Variants in CLK3 observed in about 807,000 individuals in gnomAD.
CLK3 encodes dual specificity protein kinase CLK3.
A neutral mutation model predicts 65.2 loss-of-function variants in CLK3; 24 were observed. The ratio of observed to expected loss-of-function variants is 0.37; its 90% CI spans 0.27 to 0.52. CLK3 has a LOEUF of 0.52. CLK3 is among the 20% of genes least tolerant of loss of function. CLK3 has a pLI of 0.92. For synonymous variants in CLK3, 252 were observed against 240.8 expected (o/e 1.05, Z -0.43); for missense variants, 506 against 660.0 (o/e 0.77, Z 2.56).
At chr15:74,615,972 C>A in intron 1 of CLK3, 74 bp downstream of exon 1, 2 of 1,103,394 alleles carry the variant, frequency 1.8e-6, no homozygotes, top group Non-Finnish European at 2.3e-6. Context: ...GGCAGGCGCG[C>A]TGGTGCCATT....
chr15:74,619,723 G>C (rs2062086477), intron 2 of CLK3, among the ~76,000 whole-genome samples: 1 of 152,152 alleles, frequency 6.6e-6, no homozygotes, highest in African/African-American at 2.4e-5. Context: ...GTTGCAGCAG[G>C]CCACAGGGAA....
Position 74,621,301 on chromosome 15 carries a change from G to C in CLK3, c.370-819G>C, listed in dbSNP as rs970876050. ...CCTCTATCGATCGTCGTGAGGCTTG[G>C]GATGGGCCTAGATTGTGAGCAGCAT... On this transcript the variant is annotated intron_variant, in intron 3 of 12. Coordinates refer to ENST00000395066, the MANE Select transcript of CLK3 (RefSeq NM_001130028.2). The surrounding 1 kb of genome is among the most constrained non-coding windows in gnomAD (Gnocchi z 4.8). The C allele has an allele frequency of 6.5e-6, 1 of 154,126 alleles. No homozygotes were observed. The highest frequency in any genetic ancestry group is 2.4e-5 in the African/African-American group (1 of 41,486). The allele number at this position is 154,126 out of a possible 1,614,324, so 9.5% of individuals were successfully genotyped here.
At position 74,627,298 on chromosome 15, in the gene CLK3, G is replaced by A; in HGVS notation, c.818-54G>A. On this transcript the variant is annotated intron_variant, in intron 7 of 12. Coordinates refer to ENST00000395066, the MANE Select transcript of CLK3 (RefSeq NM_001130028.2). This position sits in a 1 kb window ranked among gnomAD's most constrained non-coding sequence, Gnocchi z 4.3. ...GGAAGAGGGGTCTGGCCTAGAGCTG[G>A]CAGGAGAGCCAGCTTCTCAGTGCCT... 1 of 1,411,094 alleles carries A rather than the reference G, an allele frequency of 7.1e-7. No individual in the cohort carries two copies. Among genetic ancestry groups the A allele is most frequent in the Non-Finnish European group, 1.0e-6 (1 of 995,660 alleles). The allele number at this position is 1,411,094 out of a possible 1,614,324, so 87.4% of individuals were successfully genotyped here. A position where few individuals can be genotyped will look rare whatever the true frequency, so the allele number is the denominator to read the frequency against.
Position 74,627,557 on chromosome 15 carries a change from G to C in CLK3, c.931G>C (p.Val311Leu), listed in dbSNP as rs751822651. The C allele has an allele frequency of 6.2e-7, 1 of 1,614,248 alleles. No individual in the cohort carries two copies. The highest frequency in any genetic ancestry group is 8.5e-7 in the Non-Finnish European group (1 of 1,180,044). Residue 311 changes from valine to leucine, a missense_variant, in exon 9 of 13, where the codon GTG becomes CTG. Val to Leu is a conservative substitution (Grantham distance 32). Coordinates refer to ENST00000395066, the MANE Select transcript of CLK3 (RefSeq NM_001130028.2). The surrounding 1 kb of genome is among the most constrained non-coding windows in gnomAD (Gnocchi z 4.3). ...CTTTCAGAGCTGTGAGGAGAAGTCA[G>C]TGAAGAACACCAGCATCCGAGTGGC... ...NEHKSCEEKSVKNTSIRVADF... is the reference protein window; with the variant it reads ...NEHKSCEEKSLKNTSIRVADF...
chr15:74,611,034 A>G (rs1296422900), upstream of CLK3, among the ~76,000 whole-genome samples: 7 of 152,112 alleles, frequency 4.6e-5, no homozygotes, highest in Non-Finnish European at 1.0e-4. Context: ...TCTTCAGTCT[A>G]TGGAGCTAAA....
rs746939580 is a variant in CLK3, at chr15:74,619,296, C to T, written c.100C>T (p.Leu34=). 1.2e-6 allele frequency: 2 copies of T among 1,614,172 alleles called. No individual in the cohort carries two copies. Among genetic ancestry groups the T allele is most frequent in the South Asian group, 1.1e-5 (1 of 91,082 alleles). ...RSYSREHEGR[L]RYPSRREPPP... The stretch of plus-strand genomic sequence containing the variant: ...CTACAGTCGGGAACATGAAGGGAGA[C>T]TGCGATACCCGTCCCGAAGGGAGCC... The change falls in exon 2 of 13, where the codon CTG becomes TTG. Residue 34 remains leucine (L), a synonymous_variant. Transcript: ENST00000395066.
rs2062112304 is a variant in CLK3, at chr15:74,622,593, G to A, written c.533+33G>A. On this transcript the variant is annotated intron_variant, in intron 5 of 12. Transcript: ENST00000395066. The surrounding 1 kb of genome is among the most constrained non-coding windows in gnomAD (Gnocchi z 4.6). The stretch of plus-strand genomic sequence containing the variant: ...AGCTGCGGCAGTACAGCTGGCTCCG[G>A]ATGTGATCTTCCTGGGAAGAGCTGG... 3 of 1,548,538 alleles carry A rather than the reference G, an allele frequency of 1.9e-6. No homozygotes were observed. Among genetic ancestry groups the A allele is most frequent in the Non-Finnish European group, 2.6e-6 (3 of 1,136,684 alleles).
chr15:74,627,655 T>G lies in CLK3; in HGVS notation c.1029T>G (p.Pro343=). The change falls in exon 9 of 13, where the codon CCT becomes CCG. Residue 343 remains proline (P), a synonymous_variant. Transcript: ENST00000395066. This position sits in a 1 kb window ranked among gnomAD's most constrained non-coding sequence, Gnocchi z 4.3. ...TIVATRHYRP[P]EVILELGWAQ... ...TGGCCACCCGTCACTATCGCCCGCC[T>G]GAGGTGATCCTTGGTGAGTGACTGT... 6.2e-7 allele frequency: 1 copy of G among 1,613,714 alleles called. No homozygotes were observed. The highest frequency in any genetic ancestry group is 8.5e-7 in the Non-Finnish European group (1 of 1,180,006).
In CLK3 at chr15:74,615,880, A is replaced by C. The variant is rs1352233690; in HGVS notation, c.-19A>C. The C allele has an allele frequency of 3.2e-6, 4 of 1,254,486 alleles. No individual in the cohort carries two copies. The highest frequency in any genetic ancestry group is 6.6e-5 in the South Asian group (2 of 30,406). The allele number at this position is 1,254,486 out of a possible 1,614,324, so 77.7% of individuals were successfully genotyped here. A position where few individuals can be genotyped will look rare whatever the true frequency, so the allele number is the denominator to read the frequency against. ...GGAGCGGGGAGTGGGGCCTAGCTGC[A>C]GCCGGAGCCTGGGAGACGGTAAGTG... On this transcript the variant is annotated 5_prime_UTR_variant, in exon 1 of 13. Transcript: ENST00000395066.
intron 10 of CLK3, 126 bp downstream of exon 10, chr15:74,628,178 G>C: frequency 1.4e-6 from 1 of 715,728 alleles, no homozygotes. Context: ...TAATCATCAT[G>C]TGAGATTCAG....
chr15:74,620,011 A>T lies in CLK3; in HGVS notation c.155A>T (p.His52Leu), dbSNP rs2062088678. 2 of 1,613,942 alleles carry T rather than the reference A, an allele frequency of 1.2e-6. No individual in the cohort carries two copies. The highest frequency in any genetic ancestry group is 2.2e-5 in the South Asian group (2 of 91,092). The change falls in exon 3 of 13, where the codon CAT becomes CTT. Residue 52 changes from histidine (H) to leucine (L), a missense_variant and splice_region_variant. By Grantham distance (99) the His-to-Leu change is moderately conservative. Coordinates refer to ENST00000395066, the MANE Select transcript of CLK3 (RefSeq NM_001130028.2). Reference protein sequence around the residue: ...PPPRRSRSRSHDRLPYQRRYR... With the variant: ...PPPRRSRSRSLDRLPYQRRYR... ...CGTCCCCATCCCCCTTTTGGCAGCCATGACCGCCTGCCCTACCAGAGGAGG... is the reference window on the plus strand; with the variant it reads ...CGTCCCCATCCCCCTTTTGGCAGCCTTGACCGCCTGCCCTACCAGAGGAGG...
intron 12 of CLK3, chr15:74,629,464 A>G: frequency 3.5e-6 from 2 of 569,860 alleles, no homozygotes; most frequent in East Asian, 3.0e-5. Flanking sequence ...AGGACTTTGC[A>G]TGTGGGGGCA....
At chr15:74,628,512 G>T in intron 10 of CLK3, 92 bp from the exon 11 acceptor site, 1 of 871,714 alleles carries the variant, frequency 1.1e-6, no homozygotes, top group South Asian at 1.7e-5. Flanking sequence ...CTGGGGCAGT[G>T]AGGGCACTTG....
At chr15:74,614,854 C>G (rs2062036992), upstream of CLK3, 1 of 152,252 alleles carries the variant, frequency 6.6e-6, no homozygotes, top group Non-Finnish European at 1.5e-5. Context: ...CTGCGGGTTT[C>G]TAGCCCTCGC....
upstream of CLK3, among the ~76,000 whole-genome samples, chr15:74,612,645 G>A (rs1596281322): frequency 6.6e-6 from 1 of 151,222 alleles, no homozygotes; most frequent in Non-Finnish European, 1.5e-5. Context: ...TGGCACCATC[G>A]CCCACCAGGC....
chr15:74,629,832 C>A lies in CLK3; in HGVS notation c.1422C>A (p.Gly474=). 6.2e-7 allele frequency: 1 copy of A among 1,611,622 alleles called. No homozygotes were observed. The highest frequency in any genetic ancestry group is 1.1e-5 in the South Asian group (1 of 90,732). Residue 474 remains glycine (G), a synonymous_variant, in exon 13 of 13, where the codon GGC becomes GGA. Transcript: ENST00000395066. ...CCCTGCTGCACCCCTTCTTTGCTGG[C>A]CTGACCCCTGAGGAGCGGTCCTTCC... ...AEALLHPFFA[G]LTPEERSFHT...
At chr15:74,615,485 T>C (rs1484087187), upstream of CLK3, 2 of 1,311,274 alleles carry the variant, frequency 1.5e-6, no homozygotes, top group South Asian at 2.1e-5. Flanking sequence ...CAGGAGGGAG[T>C]TGGCGGACCA....
At chr15:74,617,741 C>T (rs1256089926) in intron 1 of CLK3, among the ~76,000 whole-genome samples, 1 of 152,216 alleles carries the variant, frequency 6.6e-6, no homozygotes, top group African/African-American at 2.4e-5. Flanking sequence ...CCTTGTGGCA[C>T]GACATGTGCC....
rs1377794113 is a variant in CLK3, at chr15:74,627,138, C to T, written c.818-214C>T. ...CGAATGGCAAATTTCTTTCCTACCC[C>T]CCTGCTAAAGTATCAGAACCCTCCA... is the stretch of plus-strand genomic sequence containing the variant. On this transcript the variant is annotated intron_variant, in intron 7 of 12. Transcript: ENST00000395066. This position sits in a 1 kb window ranked among gnomAD's most constrained non-coding sequence, Gnocchi z 4.3. 3 of 671,004 alleles carry T rather than the reference C, an allele frequency of 4.5e-6. No individual in the cohort carries two copies. Among genetic ancestry groups the T allele is most frequent in the Non-Finnish European group, 8.2e-6 (3 of 363,780 alleles). The allele number at this position is 671,004 out of a possible 1,614,324, so 41.6% of individuals were successfully genotyped here.
Sources: allele counts gnomAD v4.1 joint callset (sites outside exome capture counted in the v4.1 genomes callset), GRCh38; gene constraint gnomAD v4.1.1; non-coding constraint Gnocchi (gnomAD v3.1); transcripts MANE v1.5; gene names NCBI Gene and HGNC (gene_info 2026-07-23, HGNC 2026-07-21).